Variants in RELN observed in about 807,000 individuals in gnomAD.
The protein encoded by RELN is reelin.
A neutral mutation model predicts 427.6 loss-of-function variants in RELN; 108 were observed. The ratio of observed to expected loss-of-function variants is 0.25; its 90% CI spans 0.22 to 0.30. The LOEUF is 0.30. Ranked by LOEUF, RELN falls within the 10% of genes least tolerant of loss-of-function variation. The probability of loss-of-function intolerance (pLI) is 1.00; values close to 1 mark genes in which losing one functional copy is unlikely to be tolerated. For missense variants in RELN, 3,715 were observed against 4,302.8 expected (o/e 0.86, Z 3.82); for synonymous variants, 1,524 against 1,513.4 (o/e 1.01, Z -0.16).
chr7:103,911,572 T>C (rs1181682663), intron 2 of RELN, among the ~76,000 whole-genome samples: 1 of 150,754 alleles, frequency 6.6e-6, no homozygotes, highest in African/African-American at 2.4e-5. Context: ...TATTGCGGCA[T>C]TATTCACAAT....
At chr7:103,888,226 G>A (rs578128674) in intron 2 of RELN, among the ~76,000 whole-genome samples, 1 of 108,180 alleles carries the variant, frequency 9.2e-6, no homozygotes, top group East Asian at 4.4e-4. Flanking sequence ...TTTTATACCA[G>A]CTCTTTTAAG....
chr7:103,518,598 A>C (rs894649775), intron 49 of RELN, among the ~76,000 whole-genome samples: 9 of 150,188 alleles, frequency 6.0e-5, no homozygotes, highest in African/African-American at 2.2e-4. Context: ...GGCTTCCCAA[A>C]GTGCTGGGAT....
rs910216665 is a variant in RELN, at chr7:103,968,187, TA to T, written c.226+20943del. On this transcript the variant is annotated intron_variant, in intron 1 of 64. Coordinates refer to ENST00000428762, the MANE Select transcript of RELN (RefSeq NM_005045.4). This position sits in a 1 kb window ranked among gnomAD's most constrained non-coding sequence, Gnocchi z 4.3. ...AATGTATATTGATTTTAAAGGAAAA[TA>T]AATAATTTTCCCCCAAACAAGAAAA... Among the ~76,000 whole-genome samples the T allele has an allele frequency of 6.6e-6, 1 of 151,956 alleles. No homozygotes were observed. The highest frequency in any genetic ancestry group is 1.5e-5 in the Non-Finnish European group (1 of 67,968).
Position 103,626,724 on chromosome 7 carries a change from G to A in RELN, c.2702+3216C>T, listed in dbSNP as rs1022042678. Among the ~76,000 whole-genome samples, 5 of 152,080 alleles carry A rather than the reference G, an allele frequency of 3.3e-5. No individual in the cohort carries two copies. Among genetic ancestry groups the A allele is most frequent in the Non-Finnish European group, 1.5e-5 (1 of 67,974 alleles). Reference sequence around the variant, plus strand: ...CCTGTTGTATCTAGCTGGTTTATTAGATGGGGCAGAGGAATGTTAATGTTC... The same window carrying A: ...CCTGTTGTATCTAGCTGGTTTATTAAATGGGGCAGAGGAATGTTAATGTTC... On this transcript the variant is annotated intron_variant, in intron 20 of 64. Transcript: ENST00000428762. This position sits in a 1 kb window ranked among gnomAD's most constrained non-coding sequence, Gnocchi z 4.4.
At chr7:103,759,990 CTTTTTTTTTTTT>C (rs57019839) in intron 4 of RELN, among the ~76,000 whole-genome samples, 22 of 64,932 alleles carry the variant, frequency 3.4e-4, no homozygotes, top group South Asian at 5.3e-4. Context: ...CACAGTCATA[CTTTTTTTTTTTT>C]TTTTTTTTTT....
chr7:103,519,541 A>G (rs772891436), intron 48 of RELN, 25 bp from the exon 49 acceptor site: 2 of 1,558,418 alleles, frequency 1.3e-6, no homozygotes, highest in Admixed American at 3.3e-5. Context: ...TAAAATAAAA[A>G]AAAGTGATAA....
intron 13 of RELN, among the ~76,000 whole-genome samples, chr7:103,653,719 G>A (rs781754131): frequency 2.0e-5 from 3 of 151,976 alleles, no homozygotes; most frequent in Non-Finnish European, 4.4e-5. Flanking sequence ...CTTCTACAGT[G>A]TCTTCTACCC....
intron 16 of RELN, among the ~76,000 whole-genome samples, chr7:103,644,705 T>C (rs1307673695): frequency 6.6e-6 from 1 of 151,714 alleles, no homozygotes; most frequent in African/African-American, 2.4e-5. Flanking sequence ...GGAAAGTCTA[T>C]TTGAGGAAGT....
chr7:103,498,681 G>A (rs538167152), intron 53 of RELN, among the ~76,000 whole-genome samples: 1 of 151,876 alleles, frequency 6.6e-6, no homozygotes, highest in Admixed American at 6.6e-5. Flanking sequence ...TCATAGAGAT[G>A]GGGTTTCACC....
chr7:103,854,057 A>C (rs1340630305), intron 2 of RELN, among the ~76,000 whole-genome samples: 1 of 152,190 alleles, frequency 6.6e-6, no homozygotes, highest in African/African-American at 2.4e-5. Context: ...CACAGTGTAT[A>C]TATGTATCGA....
chr7:103,538,484 T>G (rs1485745408), intron 45 of RELN, among the ~76,000 whole-genome samples: 1 of 151,894 alleles, frequency 6.6e-6, no homozygotes, highest in African/African-American at 2.4e-5. Context: ...ATGCACATAC[T>G]CATTCTAGGG....
chr7:103,917,964 A>C (rs1239303142), intron 1 of RELN, among the ~76,000 whole-genome samples: 1 of 152,102 alleles, frequency 6.6e-6, no homozygotes, highest in Non-Finnish European at 1.5e-5. Context: ...TATAAGATTG[A>C]GATGATGCCA....
At chr7:103,539,366 A>T in intron 44 of RELN, 39 bp from the exon 45 acceptor site, 1 of 1,596,522 alleles carries the variant, frequency 6.3e-7, no homozygotes, top group Non-Finnish European at 8.6e-7. Context: ...TTTTCCATTT[A>T]GTTTTAAGAA....
chr7:103,960,288 G>A (rs756023161), intron 1 of RELN, among the ~76,000 whole-genome samples: 2 of 152,098 alleles, frequency 1.3e-5, no homozygotes, highest in African/African-American at 2.4e-5. Context: ...GAAATACAGA[G>A]GCAGTTTCCT....
chr7:103,768,870 C>T (rs1379998440), intron 4 of RELN, among the ~76,000 whole-genome samples: 3 of 152,182 alleles, frequency 2.0e-5, no homozygotes, highest in African/African-American at 7.2e-5. Flanking sequence ...CTCCTTGCCA[C>T]AGCAGACTCG....
At chr7:103,964,014 C>G (rs1221872541) in intron 1 of RELN, among the ~76,000 whole-genome samples, 1 of 152,018 alleles carries the variant, frequency 6.6e-6, no homozygotes, top group African/African-American at 2.4e-5. Flanking sequence ...AAAAAATCAG[C>G]CAGGCATGGT....
chr7:103,643,974 C>A (rs764285340), intron 16 of RELN, among the ~76,000 whole-genome samples: 13 of 151,842 alleles, frequency 8.6e-5, no homozygotes, highest in Non-Finnish European at 1.8e-4. Context: ...CTACTACAAT[C>A]AGCATTTGAT....
rs55899563 is a variant in RELN at position 103,926,099 on chromosome 7, C to CT, written c.227-8915dup. Among the ~76,000 whole-genome samples the CT allele has an allele frequency of 2.7e-3, 247 of 90,048 alleles. 11 individuals carry two copies. Among genetic ancestry groups the CT allele is most frequent in the Middle Eastern group, 9.8e-3 (1 of 102 alleles). The allele number at this position is 90,048 out of a possible 152,430, so 59.1% of individuals were successfully genotyped here. A position where few individuals can be genotyped will look rare whatever the true frequency, so the allele number is the denominator to read the frequency against. On this transcript the variant is annotated intron_variant, in intron 1 of 64. Transcript: ENST00000428762. ...CATAAATATATGACCCCCACCCCGC[C>CT]TTTTTTTTTTTTTTTTTTTTGAGAT... is the stretch of plus-strand genomic sequence containing the variant.
At chr7:103,570,630 C>T (rs1159009281) in intron 31 of RELN, among the ~76,000 whole-genome samples, 1 of 152,236 alleles carries the variant, frequency 6.6e-6, no homozygotes, top group Non-Finnish European at 1.5e-5. Context: ...ACTGGTTCTT[C>T]ACTCTCTAGC....
Sources: allele counts gnomAD v4.1 joint callset (sites outside exome capture counted in the v4.1 genomes callset), GRCh38; gene constraint gnomAD v4.1.1; non-coding constraint Gnocchi (gnomAD v3.1); transcripts MANE v1.5; gene names NCBI Gene and HGNC (gene_info 2026-07-23, HGNC 2026-07-21).